PRIM2: variants seen among roughly 807,000 people sequenced by gnomAD.
PRIM2 encodes the protein DNA primase subunit 2.
PRIM2 carries 39 observed loss-of-function variants against 67.3 expected under a neutral mutation model. That is an observed-to-expected ratio of 0.58 (90% CI 0.45 to 0.76). PRIM2 has a LOEUF of 0.76. Ranked by LOEUF, PRIM2 falls within the 30% of genes least tolerant of loss-of-function variation. PRIM2 has a pLI of 0.00. For synonymous variants in PRIM2, 143 were observed against 198.7 expected (o/e 0.72, Z 2.36); for missense variants, 398 against 598.7 (o/e 0.66, Z 3.50).
chr6:57,581,859 C>T (rs1311777104), intron 10 of PRIM2, among the ~76,000 whole-genome samples: 1 of 152,128 alleles, frequency 6.6e-6, no homozygotes, highest in Non-Finnish European at 1.5e-5. Context: ...TGAGCAGCTG[C>T]AATTTGCTAG....
In PRIM2 at chr6:57,509,124, C is replaced by T. The variant is rs1554347478; in HGVS notation, c.761+1670C>T. On this transcript the variant is annotated intron_variant, in intron 8 of 13. Transcript: ENST00000615550. ...CTTCCTCCCCTCTCCACTTTCCTTG[C>T]CTTTTCTTCCTGCTCTCCAGTAACT... 6.2e-4 allele frequency among the ~76,000 whole-genome samples: 94 copies of T among 151,232 alleles called. 1 individual carries two copies. Among genetic ancestry groups the T allele is most frequent in the Non-Finnish European group, 1.1e-3 (72 of 67,822 alleles).
At chr6:57,517,681 C>A in intron 8 of PRIM2, among the ~76,000 whole-genome samples, 1 of 152,182 alleles carries the variant, frequency 6.6e-6, no homozygotes, top group South Asian at 2.1e-4. Context: ...AGTTTCAAAT[C>A]TGAGGTAGCC....
intron 5 of PRIM2, among the ~76,000 whole-genome samples, chr6:57,331,244 C>T (rs1768050950): frequency 6.6e-6 from 1 of 151,502 alleles, no homozygotes; most frequent in Non-Finnish European, 1.5e-5. Flanking sequence ...GTTACACCAA[C>T]CTTGCAATCC....
At chr6:57,554,800 T>C (rs1775478631) in intron 10 of PRIM2, among the ~76,000 whole-genome samples, 1 of 152,212 alleles carries the variant, frequency 6.6e-6, no homozygotes, top group Admixed American at 6.5e-5. Context: ...CATATTTAAA[T>C]CTTGCTGTTG....
intron 7 of PRIM2, among the ~76,000 whole-genome samples, chr6:57,429,527 G>T (rs2127378047): frequency 6.6e-6 from 1 of 152,150 alleles, no homozygotes; most frequent in Admixed American, 6.5e-5. Flanking sequence ...GTCTTTATCA[G>T]TCTTAAGGTG....
At chr6:57,463,217 C>T (rs1353468959) in intron 7 of PRIM2, among the ~76,000 whole-genome samples, 1 of 152,218 alleles carries the variant, frequency 6.6e-6, no homozygotes, top group Non-Finnish European at 1.5e-5. Flanking sequence ...CGAGGCTGGG[C>T]ATGGTGGCTC....
intron 5 of PRIM2, among the ~76,000 whole-genome samples, chr6:57,359,096 C>G (rs112450346): frequency 6.6e-6 from 1 of 152,296 alleles, no homozygotes; most frequent in Non-Finnish European, 1.5e-5. Context: ...ATACTAACTC[C>G]TCATTCTTCC....
At chr6:57,310,949 G>A (rs1767370849), upstream of PRIM2, among the ~76,000 whole-genome samples, 1 of 146,640 alleles carries the variant, frequency 6.8e-6, no homozygotes, top group Non-Finnish European at 1.5e-5. Context: ...GAGGGGCCGG[G>A]CAGAGGCGCT....
At chr6:57,327,697 C>A (rs1312244144) in intron 5 of PRIM2, among the ~76,000 whole-genome samples, 2 of 152,186 alleles carry the variant, frequency 1.3e-5, no homozygotes, top group African/African-American at 2.4e-5. Flanking sequence ...TTAATTTATC[C>A]ATTCCTATTA....
chr6:57,268,939 C>T, the PRIM2 span, among the ~76,000 whole-genome samples: 1 of 151,714 alleles, frequency 6.6e-6, no homozygotes, highest in Admixed American at 6.6e-5. Flanking sequence ...CAATTTCATC[C>T]ATGTCCCTAC....
At chr6:57,605,188 G>C (rs1776538150) in intron 11 of PRIM2, among the ~76,000 whole-genome samples, 2 of 152,102 alleles carry the variant, frequency 1.3e-5, no homozygotes, top group Non-Finnish European at 2.9e-5. Flanking sequence ...TTTTGTTGAG[G>C]ATTTTTGATT....
At chr6:57,366,857 G>T (rs1171725390) in intron 5 of PRIM2, among the ~76,000 whole-genome samples, 9 of 152,160 alleles carry the variant, frequency 5.9e-5, no homozygotes, top group Admixed American at 1.3e-4. Context: ...AGGGAATAAA[G>T]TTATGTTAAT....
chr6:57,621,647 A>G (rs1343056095), intron 12 of PRIM2, among the ~76,000 whole-genome samples: 9 of 152,134 alleles, frequency 5.9e-5, no homozygotes, highest in Non-Finnish European at 1.0e-4. Flanking sequence ...TTTATACATT[A>G]TGTGCCCATT....
intron 7 of PRIM2, among the ~76,000 whole-genome samples, chr6:57,431,958 G>C (rs1771844973): frequency 6.6e-6 from 1 of 152,138 alleles, no homozygotes; most frequent in Admixed American, 6.6e-5. Flanking sequence ...TGAAACTGAA[G>C]CAGTCTTCTT....
chr6:57,553,235 G>A (rs1186858965), intron 10 of PRIM2, among the ~76,000 whole-genome samples: 114 of 152,138 alleles, frequency 7.5e-4, no homozygotes, highest in African/African-American at 2.6e-3. Context: ...AAGATAAGGT[G>A]TGCTTTCTAT....
At chr6:57,289,263 T>C in the PRIM2 span, among the ~76,000 whole-genome samples, 1 of 150,534 alleles carries the variant, frequency 6.6e-6, no homozygotes, top group Non-Finnish European at 1.5e-5. Flanking sequence ...GAAAAAAGAG[T>C]GAAGAGAAAA....
chr6:57,478,058 T>C (rs1773517921), intron 7 of PRIM2, among the ~76,000 whole-genome samples: 1 of 152,226 alleles, frequency 6.6e-6, no homozygotes, highest in South Asian at 2.1e-4. Flanking sequence ...ATACCCGTAA[T>C]ACTATGAGGT....
chr6:57,434,518 G>A (rs540545567), intron 7 of PRIM2, among the ~76,000 whole-genome samples: 1 of 152,032 alleles, frequency 6.6e-6, no homozygotes, highest in African/African-American at 2.4e-5. Context: ...CCATTCATGA[G>A]GTATCAGAAT....
At chr6:57,446,298 T>TG (rs1772362044) in intron 7 of PRIM2, among the ~76,000 whole-genome samples, 2 of 151,612 alleles carry the variant, frequency 1.3e-5, no homozygotes, top group Non-Finnish European at 3.0e-5. Context: ...TGTTTTTTTT[T>TG]TTTTTAGAAG....
Sources: allele counts gnomAD v4.1 joint callset (sites outside exome capture counted in the v4.1 genomes callset), GRCh38; gene constraint gnomAD v4.1.1; transcripts MANE v1.5; gene names NCBI Gene and HGNC (gene_info 2026-07-23, HGNC 2026-07-21).